Variants in DCDC1 observed in about 807,000 individuals in gnomAD.
The protein encoded by DCDC1 is doublecortin domain-containing protein 1.
DCDC1 carries 200 observed loss-of-function variants against 178.3 expected under a neutral mutation model. The ratio of observed to expected loss-of-function variants is 1.12; its 90% confidence interval spans 1.00 to 1.26. DCDC1 has a LOEUF of 1.26. Ranked by LOEUF, DCDC1 falls within the 50% of genes most tolerant of loss-of-function variation. DCDC1 has a pLI of 0.00. For missense variants in DCDC1, 1,983 were observed against 1,749.2 expected (o/e 1.13, Z -2.38); for synonymous variants, 690 against 604.8 (o/e 1.14, Z -2.07).
intron 9 of DCDC1, among the ~76,000 whole-genome samples, chr11:31,185,372 A>G (rs1969352416): frequency 6.6e-6 from 1 of 152,196 alleles, no homozygotes; most frequent in Non-Finnish European, 1.5e-5. Flanking sequence ...ACAAACCTGC[A>G]CTTTCTGCAC....
intron 6 of DCDC1, among the ~76,000 whole-genome samples, chr11:31,303,743 C>T (rs1323599535): frequency 6.6e-6 from 1 of 152,038 alleles, no homozygotes; most frequent in Non-Finnish European, 1.5e-5. Flanking sequence ...TTATACTTAT[C>T]CTAACTCTTT....
At chr11:30,972,277 C>G (rs1226716864) in intron 20 of DCDC1, among the ~76,000 whole-genome samples, 2 of 152,040 alleles carry the variant, frequency 1.3e-5, no homozygotes, top group East Asian at 3.9e-4. Context: ...AGACTAACAG[C>G]AAGTTTCTTA....
At chr11:30,985,906 A>C (rs1950616128) in intron 20 of DCDC1, among the ~76,000 whole-genome samples, 1 of 152,190 alleles carries the variant, frequency 6.6e-6, no homozygotes, top group African/African-American at 2.4e-5. Context: ...AATATATTAA[A>C]ATTGACATCC....
intron 9 of DCDC1, among the ~76,000 whole-genome samples, chr11:31,213,128 T>TCCCTCTCCCTCTCC (rs1972913163): frequency 7.3e-6 from 1 of 136,164 alleles, no homozygotes; most frequent in African/African-American, 2.9e-5. Context: ...TCTCTCTCTC[T>TCCCTCTCCCTCTCC]CTCTCTCTCT....
intron 9 of DCDC1, among the ~76,000 whole-genome samples, chr11:31,227,525 C>T (rs1975153363): frequency 6.6e-6 from 1 of 152,024 alleles, no homozygotes; most frequent in African/African-American, 2.4e-5. Flanking sequence ...AAAATACTAA[C>T]TATTTCAGTA....
chr11:30,918,900 T>C (rs1022673013), intron 25 of DCDC1, among the ~76,000 whole-genome samples: 14 of 152,152 alleles, frequency 9.2e-5, no homozygotes, highest in Non-Finnish European at 1.8e-4. Context: ...TCCATTTTTC[T>C]TATTGTTTGT....
At chr11:30,883,284 G>C (rs2133985927) in intron 36 of DCDC1, 1 of 186,018 alleles carries the variant, frequency 5.4e-6, no homozygotes, top group South Asian at 9.1e-5. Context: ...ATCATTATTA[G>C]GGCAGACTAG....
At chr11:31,198,027 G>T (rs938804464) in intron 9 of DCDC1, among the ~76,000 whole-genome samples, 1 of 152,018 alleles carries the variant, frequency 6.6e-6, no homozygotes, top group African/African-American at 2.4e-5. Context: ...CAATGTGTAT[G>T]TGTATTTTAT....
chr11:31,363,581 G>A (rs1951814366), intron 1 of DCDC1, among the ~76,000 whole-genome samples: 1 of 152,020 alleles, frequency 6.6e-6, no homozygotes, highest in Non-Finnish European at 1.5e-5. Flanking sequence ...GTTTAGCCAG[G>A]TGCCATAGTT....
chr11:31,288,514 C>T (rs942565587), intron 7 of DCDC1, among the ~76,000 whole-genome samples: 1 of 151,792 alleles, frequency 6.6e-6, no homozygotes. Context: ...GAGTCATTTC[C>T]CCTTGGCTCT....
chr11:31,225,513 T>TATTAAA (rs1432709331), intron 9 of DCDC1, among the ~76,000 whole-genome samples: 2 of 151,280 alleles, frequency 1.3e-5, no homozygotes, highest in East Asian at 1.9e-4. Flanking sequence ...CCCAAAAAAC[T>TATTAAA]ATTAAAATAA....
At chr11:30,877,108 G>C (rs539300981) in intron 38 of DCDC1, among the ~76,000 whole-genome samples, 1 of 152,234 alleles carries the variant, frequency 6.6e-6, no homozygotes, top group East Asian at 1.9e-4. Context: ...AATGTGCTTT[G>C]CTTTTAGTGG....
chr11:30,891,853 A>G (rs749988953), intron 36 of DCDC1, among the ~76,000 whole-genome samples: 1 of 152,166 alleles, frequency 6.6e-6, no homozygotes, highest in Non-Finnish European at 1.5e-5. Flanking sequence ...CTCCCTGTCA[A>G]AGAAGAGTGG....
chr11:31,345,543 A>T lies in DCDC1; in HGVS notation c.-124-9979T>A, dbSNP rs1020935409. 2.0e-5 allele frequency among the ~76,000 whole-genome samples: 3 copies of T among 152,166 alleles called. No individual in the cohort carries two copies. The East Asian group carries it at 5.8e-4, about 29-fold the overall frequency. ...GAGTGTCAAAAGCACACAGGAGTCA[A>T]CTTAAAGGTAATTCCACTGGCCAAA... On this transcript the variant is annotated intron_variant, in intron 1 of 38. Transcript: ENST00000684477.
At chr11:31,013,729 T>C (rs1952309962) in intron 20 of DCDC1, among the ~76,000 whole-genome samples, 1 of 152,188 alleles carries the variant, frequency 6.6e-6, no homozygotes, top group Non-Finnish European at 1.5e-5. Flanking sequence ...ATACACACAA[T>C]GAATATACAT....
chr11:30,892,735 T>G (rs1164418786), intron 36 of DCDC1, 83 bp downstream of exon 36: 1 of 1,529,158 alleles, frequency 6.5e-7, no homozygotes, highest in Non-Finnish European at 8.9e-7. Flanking sequence ...ATAGAAGTAA[T>G]TTGCTTGACC....
rs573661383 is a variant in DCDC1, at chr11:31,027,986, T to C, written c.2591+36483A>G. ...TCTTAAAGAAAATTGTACCTATTATTACACTCAAGATTTAGAAAGGCATAT... is the reference window on the plus strand; with the variant it reads ...TCTTAAAGAAAATTGTACCTATTATCACACTCAAGATTTAGAAAGGCATAT... On this transcript the variant is annotated intron_variant, in intron 20 of 38. Coordinates refer to ENST00000684477, the MANE Select transcript of DCDC1 (RefSeq NM_001387274.1). Among the ~76,000 whole-genome samples the C allele has an allele frequency of 2.0e-4, 31 of 151,954 alleles. No homozygotes were observed. The East Asian group carries it at 6.0e-3, about 29-fold the overall frequency.
intron 18 of DCDC1, among the ~76,000 whole-genome samples, chr11:31,070,304 C>T (rs910619319): frequency 1.3e-5 from 2 of 152,156 alleles, no homozygotes; most frequent in African/African-American, 4.8e-5. Flanking sequence ...AAAACCTAAT[C>T]TTTCAACTTT....
At chr11:31,325,664 TAA>T (rs2137829421) in intron 3 of DCDC1, among the ~76,000 whole-genome samples, 1 of 152,132 alleles carries the variant, frequency 6.6e-6, no homozygotes, top group Admixed American at 6.5e-5. Context: ...AACAAGAAAA[TAA>T]AGTGGTCACT....
Sources: allele counts gnomAD v4.1 joint callset (sites outside exome capture counted in the v4.1 genomes callset), GRCh38; gene constraint gnomAD v4.1.1; transcripts MANE v1.5; gene names NCBI Gene and HGNC (gene_info 2026-07-23, HGNC 2026-07-21).